The following ANAPC1 variants were observed in gnomAD, a reference collection of about 807,000 sequenced individuals.
ANAPC1 encodes anaphase-promoting complex subunit 1.
A neutral mutation model predicts 208.0 loss-of-function variants in ANAPC1; 36 were observed. The observed-to-expected ratio is 0.17, with a 90% CI of 0.13 to 0.23. The LOEUF is 0.23. Among genes scored for constraint, ANAPC1 ranks in the 10% least tolerant of loss-of-function variants. The probability of loss-of-function intolerance (pLI) is 1.00; values close to 1 mark genes in which losing one functional copy is unlikely to be tolerated. For synonymous variants in ANAPC1, 378 were observed against 695.2 expected (o/e 0.54, Z 7.18); for missense variants, 942 against 2,011.6 (o/e 0.47, Z 10.17).
At chr2:111,775,221 G>A (rs1205273615) in intron 46 of ANAPC1, among the ~76,000 whole-genome samples, 2 of 152,146 alleles carry the variant, frequency 1.3e-5, no homozygotes, top group Non-Finnish European at 2.9e-5. Flanking sequence ...AGCTGAGATC[G>A]CGCCACTGCA....
At chr2:111,825,711 T>G in intron 22 of ANAPC1, 66 bp downstream of exon 22, 1 of 1,521,130 alleles carries the variant, frequency 6.6e-7, no homozygotes, top group Non-Finnish European at 9.1e-7. Flanking sequence ...AATTCAATTC[T>G]TTTTTCAATT....
chr2:111,796,121 A>G (rs1190764101), intron 34 of ANAPC1, among the ~76,000 whole-genome samples: 1 of 151,614 alleles, frequency 6.6e-6, no homozygotes, highest in Non-Finnish European at 1.5e-5. Flanking sequence ...GCTACTCAGG[A>G]GGCTGAGGCA....
rs772406854 is a variant in ANAPC1, at chr2:111,843,551, G to A, written c.1901C>T (p.Ala634Val). 1 of 1,611,872 alleles carries A rather than the reference G, an allele frequency of 6.2e-7. No homozygotes were observed. The highest frequency in any genetic ancestry group is 8.5e-7 in the Non-Finnish European group (1 of 1,179,786). The change falls in exon 17 of 48, where the codon GCA becomes GTA. Residue 634 changes from alanine (A) to valine (V), a missense_variant. By Grantham distance (64) the Ala-to-Val change is moderately conservative. Coordinates refer to ENST00000341068, the MANE Select transcript of ANAPC1 (RefSeq NM_022662.4). ...AIKFILPKEI[A>V]VQMLVKWYNV... ...GTACCACTTGACAAGCATCTGAACTGCTATTTCTTTTGGCAGGATAAACTT... is the reference window on the plus strand; with the variant it reads ...GTACCACTTGACAAGCATCTGAACTACTATTTCTTTTGGCAGGATAAACTT...
intron 11 of ANAPC1, among the ~76,000 whole-genome samples, chr2:111,858,047 A>T (rs1342451176): frequency 6.6e-6 from 1 of 152,140 alleles, no homozygotes; most frequent in African/African-American, 2.4e-5. Flanking sequence ...GGAAATGGGA[A>T]CAAGACTGAC....
chr2:111,792,936 G>A (rs934617478), intron 37 of ANAPC1, among the ~76,000 whole-genome samples: 3 of 152,036 alleles, frequency 2.0e-5, no homozygotes, highest in South Asian at 2.1e-4. Context: ...CTGGGAGACA[G>A]AGCGAGACGC....
intron 24 of ANAPC1, among the ~76,000 whole-genome samples, chr2:111,824,343 A>G (rs1247383930): frequency 1.3e-5 from 2 of 151,782 alleles, no homozygotes; most frequent in Non-Finnish European, 2.9e-5. Context: ...ACTTTTTAAC[A>G]TACATCCCAT....
chr2:111,783,886 A>C lies in ANAPC1; in HGVS notation c.5063+11T>G. 1.5e-6 allele frequency: 1 copy of C among 673,370 alleles called. No individual in the cohort carries two copies. The highest frequency in any genetic ancestry group is 2.7e-6 in the Non-Finnish European group (1 of 375,958). The allele number at this position is 673,370 out of a possible 1,614,324, so 41.7% of individuals were successfully genotyped here. Reference sequence around the variant, plus strand: ...CCTAAAAGGTAAATTTGAGAAATTTAATGTACTTACTTCAAGTGTTGTGTT... The same window carrying C: ...CCTAAAAGGTAAATTTGAGAAATTTCATGTACTTACTTCAAGTGTTGTGTT... On this transcript the variant is annotated intron_variant, in intron 42 of 47. Transcript: ENST00000341068.
In ANAPC1 at chr2:111,821,225, GTGTTTTC is replaced by G. The variant is rs1211499592; in HGVS notation, c.3206+7_3206+13del. ...TGAAACATGACAAGAGATAGTGCAC[GTGTTTTC>G]TTTCACCTGTTTTCCTTTTCCTCGA... On this transcript the variant is annotated splice_region_variant and intron_variant, in intron 26 of 47. Coordinates refer to ENST00000341068, the MANE Select transcript of ANAPC1 (RefSeq NM_022662.4). 6.3e-7 allele frequency: 1 copy of G among 1,587,152 alleles called. No individual in the cohort carries two copies. Among genetic ancestry groups the G allele is most frequent in the African/African-American group, 1.3e-5 (1 of 74,418 alleles).
At chr2:111,881,961 G>T (rs545631612) in intron 1 of ANAPC1, among the ~76,000 whole-genome samples, 134 of 152,272 alleles carry the variant, frequency 8.8e-4, no homozygotes, top group African/African-American at 3.1e-3. Context: ...AAAGCAGGCG[G>T]ATCACTAGGT....
At chr2:111,775,611 G>A (rs1676963835) in intron 46 of ANAPC1, among the ~76,000 whole-genome samples, 2 of 152,182 alleles carry the variant, frequency 1.3e-5, no homozygotes, top group East Asian at 1.9e-4. Flanking sequence ...TGACAGCAAT[G>A]CTGGAAACCA....
chr2:111,859,157 C>T (rs1681912076), intron 10 of ANAPC1, among the ~76,000 whole-genome samples: 1 of 152,090 alleles, frequency 6.6e-6, no homozygotes, highest in Non-Finnish European at 1.5e-5. Context: ...TTTTTGAAAT[C>T]GTATCTCTAA....
At position 111,837,440 on chromosome 2, in the gene ANAPC1, T is replaced by C. The variant is rs527507379; in HGVS notation, c.2115+998A>G. ...TTCAAGACCAGCCTGACCAACATGG[T>C]GAAACCCCATCTCTACTAAAAATAC... On this transcript the variant is annotated intron_variant, in intron 18 of 47. Transcript: ENST00000341068. 5.0e-3 allele frequency among the ~76,000 whole-genome samples: 766 copies of C among 152,174 alleles called. 4 individuals carry two copies. The highest frequency in any genetic ancestry group is 0.018 in the African/African-American group (736 of 41,542).
At chr2:111,876,450 AC>A (rs1315318451) in intron 3 of ANAPC1, among the ~76,000 whole-genome samples, 1 of 152,208 alleles carries the variant, frequency 6.6e-6, no homozygotes. Flanking sequence ...AATTACACTT[AC>A]AAGTGATCTT....
intron 13 of ANAPC1, among the ~76,000 whole-genome samples, chr2:111,854,956 G>A (rs1681618686): frequency 6.6e-6 from 1 of 152,194 alleles, no homozygotes; most frequent in Non-Finnish European, 1.5e-5. Context: ...TTGTGCACAG[G>A]TGGTCTGGCT....
intron 21 of ANAPC1, among the ~76,000 whole-genome samples, chr2:111,829,506 G>A (rs1680015800): frequency 6.6e-6 from 1 of 152,176 alleles, no homozygotes; most frequent in Admixed American, 6.5e-5. Context: ...CCCACAAGGG[G>A]CCTATGAGCA....
Position 111,847,204 on chromosome 2 carries a change from T to C in ANAPC1, c.1792-6A>G, listed in dbSNP as rs1389984449. 3 of 1,606,790 alleles carry C rather than the reference T, an allele frequency of 1.9e-6. No homozygotes were observed. The highest frequency in any genetic ancestry group is 2.5e-6 in the Non-Finnish European group (3 of 1,176,516). ...ATGGAGCCATTACTCAGTTCCTAGATGGAAACAAATGAGAAAGTAGATAAA... is the reference window on the plus strand; with the variant it reads ...ATGGAGCCATTACTCAGTTCCTAGACGGAAACAAATGAGAAAGTAGATAAA... On this transcript the variant is annotated splice_region_variant and splice_polypyrimidine_tract_variant and intron_variant, in intron 15 of 47. Transcript: ENST00000341068.
rs754006714 is a variant in ANAPC1 at position 111,821,225 on chromosome 2, G to A, written c.3206+14C>T. 5.2e-5 allele frequency: 82 copies of A among 1,587,154 alleles called. No homozygotes were observed. The highest frequency in any genetic ancestry group is 6.7e-5 in the East Asian group (3 of 44,792). ...TGAAACATGACAAGAGATAGTGCAC[G>A]TGTTTTCTTTCACCTGTTTTCCTTT... On this transcript the variant is annotated intron_variant, in intron 26 of 47. Coordinates refer to ENST00000341068, the MANE Select transcript of ANAPC1 (RefSeq NM_022662.4).
chr2:111,825,722 C>T, intron 22 of ANAPC1, 55 bp downstream of exon 22: 1 of 1,548,972 alleles, frequency 6.5e-7, no homozygotes. Flanking sequence ...TTTTTCAATT[C>T]TGATACTGAC....
intron 24 of ANAPC1, among the ~76,000 whole-genome samples, chr2:111,823,505 A>G (rs6742309): frequency 0.16 from 24,073 of 152,050 alleles, 1,967 homozygotes; most frequent in Admixed American, 0.19. Context: ...TATGGAAAAA[A>G]AAAAAGAGAT....
Sources: allele counts gnomAD v4.1 joint callset (sites outside exome capture counted in the v4.1 genomes callset), GRCh38; gene constraint gnomAD v4.1.1; transcripts MANE v1.5; gene names NCBI Gene and HGNC (gene_info 2026-07-23, HGNC 2026-07-21).